SRBD1: variants seen among roughly 807,000 people sequenced by gnomAD.
The protein encoded by SRBD1 is S1 RNA-binding domain-containing protein 1.
In SRBD1, 88 loss-of-function variants were observed where a neutral mutation model predicts 115.3. The ratio of observed to expected loss-of-function variants is 0.76; its 90% CI spans 0.64 to 0.91. SRBD1 has a LOEUF of 0.91. SRBD1 is among the 40% of genes least tolerant of loss of function. The pLI is 0.00. For missense variants in SRBD1, 1,385 were observed against 1,177.4 expected (o/e 1.18, Z -2.58); for synonymous variants, 509 against 407.7 (o/e 1.25, Z -2.99).
At chr2:45,464,515 TGTAA>T (rs1206333552) in intron 16 of SRBD1, among the ~76,000 whole-genome samples, 4 of 152,200 alleles carry the variant, frequency 2.6e-5, no homozygotes, top group Admixed American at 6.5e-5. Context: ...AATAAAGAGC[TGTAA>T]GTGTCACCTC....
At chr2:45,518,132 A>G (rs942205642) in intron 14 of SRBD1, among the ~76,000 whole-genome samples, 3 of 152,186 alleles carry the variant, frequency 2.0e-5, no homozygotes, top group Non-Finnish European at 4.4e-5. Context: ...AACATCCTAG[A>G]TTAACTGAAA....
chr2:45,578,179 G>A (rs1333826302), intron 7 of SRBD1, among the ~76,000 whole-genome samples: 1 of 152,148 alleles, frequency 6.6e-6, no homozygotes. Flanking sequence ...AAAAATAAAA[G>A]CAGTCGATAA....
chr2:45,522,050 T>C (rs1240361736), intron 14 of SRBD1, among the ~76,000 whole-genome samples: 3 of 151,812 alleles, frequency 2.0e-5, no homozygotes, highest in East Asian at 1.9e-4. Flanking sequence ...CCAATGTTCA[T>C]AGCAGCACTA....
chr2:45,461,876 T>G lies in SRBD1; in HGVS notation c.2049+15117A>C, dbSNP rs75331607. ...CTTCTGAGATAGATGTGGGAGATAC[T>G]TGGAAGCTAAAAAGATGCTACTCAG... On this transcript the variant is annotated intron_variant, in intron 16 of 20. Coordinates refer to ENST00000263736, the MANE Select transcript of SRBD1 (RefSeq NM_018079.5). Among the ~76,000 whole-genome samples, 877 of 152,278 alleles carry G rather than the reference T, an allele frequency of 5.8e-3. 6 individuals carry two copies. The highest frequency in any genetic ancestry group is 0.021 in the African/African-American group (853 of 41,546).
chr2:45,575,516 T>C (rs1180712993), intron 7 of SRBD1, among the ~76,000 whole-genome samples: 1 of 152,212 alleles, frequency 6.6e-6, no homozygotes, highest in Non-Finnish European at 1.5e-5. Flanking sequence ...CTGCATATCA[T>C]ATGTATATTT....
chr2:45,481,730 G>A (rs1204592161), intron 15 of SRBD1, among the ~76,000 whole-genome samples: 2 of 151,970 alleles, frequency 1.3e-5, no homozygotes, highest in Non-Finnish European at 2.9e-5. Flanking sequence ...ATCAACTGAT[G>A]ACTAAACAAA....
chr2:45,579,195 T>C (rs1452321563), intron 7 of SRBD1, among the ~76,000 whole-genome samples: 1 of 152,208 alleles, frequency 6.6e-6, no homozygotes, highest in African/African-American at 2.4e-5. Context: ...CTTAGAAATA[T>C]GTCTCCCTTA....
intron 16 of SRBD1, among the ~76,000 whole-genome samples, chr2:45,436,081 G>A (rs1668489329): frequency 6.6e-6 from 1 of 151,764 alleles, no homozygotes; most frequent in South Asian, 2.1e-4. Context: ...TATATCTCAG[G>A]TATGCAAGTC....
chr2:45,586,710 A>T (rs1673535017), intron 4 of SRBD1, among the ~76,000 whole-genome samples: 1 of 145,212 alleles, frequency 6.9e-6, no homozygotes, highest in Non-Finnish European at 1.5e-5. Flanking sequence ...CACCTGGCTA[A>T]TTTTTTTTTT....
At chr2:45,524,323 A>C (rs1324266231) in intron 14 of SRBD1, among the ~76,000 whole-genome samples, 1 of 152,072 alleles carries the variant, frequency 6.6e-6, no homozygotes, top group Non-Finnish European at 1.5e-5. Flanking sequence ...AGAAAAAGAA[A>C]TAAAAGACAA....
In SRBD1 at chr2:45,605,266, C is replaced by T. The variant is rs1300976478; in HGVS notation, c.80+96G>A. The T allele has an allele frequency of 2.4e-6, 3 of 1,242,724 alleles. No individual in the cohort carries two copies. In the African/African-American group the frequency reaches 4.6e-5, roughly 19 times the overall value. The allele number at this position is 1,242,724 out of a possible 1,614,324, so 77.0% of individuals were successfully genotyped here. On this transcript the variant is annotated intron_variant, in intron 2 of 20. Coordinates refer to ENST00000263736, the MANE Select transcript of SRBD1 (RefSeq NM_018079.5). ...AATGAATAAAAAAAGTTTTTTCTACCCACATCACTTAAGGAGTTAGAAAGT... is the reference window on the plus strand; with the variant it reads ...AATGAATAAAAAAAGTTTTTTCTACTCACATCACTTAAGGAGTTAGAAAGT...
At chr2:45,541,156 T>C (rs371055646) in intron 14 of SRBD1, among the ~76,000 whole-genome samples, 20 of 152,338 alleles carry the variant, frequency 1.3e-4, no homozygotes, top group African/African-American at 4.8e-4. Flanking sequence ...GCGTGCCAGC[T>C]GTGGCAGGGC....
chr2:45,493,811 CAA>C (rs751899968), intron 14 of SRBD1, among the ~76,000 whole-genome samples: 11 of 114,144 alleles, frequency 9.6e-5, no homozygotes, highest in Non-Finnish European at 1.1e-4. Context: ...AACTTCAACT[CAA>C]AAAAAAAAAA....
At chr2:45,508,973 G>T (rs1274652213) in intron 14 of SRBD1, among the ~76,000 whole-genome samples, 1 of 152,092 alleles carries the variant, frequency 6.6e-6, no homozygotes, top group East Asian at 1.9e-4. Context: ...TGCAGGGCAC[G>T]GTGAGTTGGG....
chr2:45,597,769 A>G (rs1303278947), intron 4 of SRBD1, among the ~76,000 whole-genome samples: 1 of 152,218 alleles, frequency 6.6e-6, no homozygotes, highest in East Asian at 1.9e-4. Flanking sequence ...AGCTCATTAT[A>G]AAGAGCTTAT....
chr2:45,466,854 A>G (rs1247298012), intron 16 of SRBD1, among the ~76,000 whole-genome samples: 2 of 152,142 alleles, frequency 1.3e-5, no homozygotes, highest in Admixed American at 6.5e-5. Flanking sequence ...GGCCTGAGGG[A>G]GGGCCCAGGA....
Position 45,581,729 on chromosome 2 carries a change from C to G in SRBD1, c.897G>C (p.Met299Ile). ...GKMSECLLKA[M>I]LNCKTFEELE... ...GTTCTTCAAAAGTTTTACAATTCAG[C>G]ATGGCTTTTAACAAGCACTCAGACA... The change falls in exon 6 of 21, where the codon ATG (methionine) becomes ATC (isoleucine). Residue 299 changes from methionine (M) to isoleucine (I), a missense_variant. Met to Ile is a conservative substitution (Grantham distance 10, BLOSUM62 1). Coordinates refer to ENST00000263736, the MANE Select transcript of SRBD1 (RefSeq NM_018079.5). 6.2e-7 allele frequency: 1 copy of G among 1,613,486 alleles called. No individual in the cohort carries two copies. The highest frequency in any genetic ancestry group is 8.5e-7 in the Non-Finnish European group (1 of 1,179,762).
At chr2:45,426,392 C>T (rs749046441) in intron 16 of SRBD1, among the ~76,000 whole-genome samples, 2 of 152,200 alleles carry the variant, frequency 1.3e-5, no homozygotes, top group Non-Finnish European at 2.9e-5. Flanking sequence ...TGGGACAGAG[C>T]ACCTGGCGGA....
rs116354004 is a variant in SRBD1, at chr2:45,507,449, G to A, written c.1875-19118C>T. Among the ~76,000 whole-genome samples the A allele has an allele frequency of 3.7e-3, 558 of 152,152 alleles. 10 individuals carry two copies. Among genetic ancestry groups the A allele is most frequent in the African/African-American group, 0.013 (527 of 41,518 alleles). ...TAATCCATATTAGGCTGGGCGCGGC[G>A]GCTCACGTCTGTAATCCTTGTACTT... On this transcript the variant is annotated intron_variant, in intron 14 of 20. Transcript: ENST00000263736.
Sources: gnomAD v4.1 joint callset for allele counts (sites outside exome capture counted in the v4.1 genomes callset) on GRCh38, gnomAD v4.1.1 for gene constraint, MANE v1.5 for transcripts, NCBI Gene and HGNC (gene_info 2026-07-23, HGNC 2026-07-21) for gene names.